GRM1: variants seen among roughly 807,000 people sequenced by gnomAD.
The protein encoded by GRM1 is glutamate metabotropic receptor 1, also known as metabotropic glutamate receptor 1.
In GRM1, 33 loss-of-function variants were observed where a neutral mutation model predicts 90.9. The ratio of observed to expected loss-of-function variants is 0.36; its 90% CI spans 0.28 to 0.49. The LOEUF is 0.49. GRM1 is among the 20% of genes least tolerant of loss of function. The pLI is 0.99. For synonymous variants in GRM1, 700 were observed against 613.2 expected (o/e 1.14, Z -2.09); for missense variants, 1,190 against 1,534.3 (o/e 0.78, Z 3.75).
At chr6:146,149,295 A>C (rs1777228847) in intron 1 of GRM1, among the ~76,000 whole-genome samples, 1 of 152,208 alleles carries the variant, frequency 6.6e-6, no homozygotes, top group Admixed American at 6.5e-5. Flanking sequence ...AAAGTCATGG[A>C]CACAAGGTGA....
intron 1 of GRM1, among the ~76,000 whole-genome samples, chr6:146,083,916 T>C (rs546264606): frequency 5.5e-4 from 84 of 152,346 alleles, no homozygotes; most frequent in African/African-American, 1.9e-3. Flanking sequence ...TCAGAACTTG[T>C]TATTGGTCTA....
intron 1 of GRM1, among the ~76,000 whole-genome samples, chr6:146,106,319 T>C (rs1057484495): frequency 6.6e-6 from 1 of 152,186 alleles, no homozygotes; most frequent in Non-Finnish European, 1.5e-5. Flanking sequence ...TGAAAACTAT[T>C]GTGTTGCTTC....
At chr6:146,324,745 G>A (rs1784342467) in intron 3 of GRM1, among the ~76,000 whole-genome samples, 1 of 152,080 alleles carries the variant, frequency 6.6e-6, no homozygotes, top group South Asian at 2.1e-4. Context: ...CACCCCCCGT[G>A]GGCTGCACCC....
chr6:146,425,572 T>C (rs1466135528), intron 7 of GRM1, among the ~76,000 whole-genome samples: 1 of 152,194 alleles, frequency 6.6e-6, no homozygotes, highest in Non-Finnish European at 1.5e-5. Context: ...TGTTGACTCA[T>C]AGAGAACATT....
At chr6:146,370,209 T>A (rs1775847342) in intron 5 of GRM1, among the ~76,000 whole-genome samples, 1 of 152,102 alleles carries the variant, frequency 6.6e-6, no homozygotes, top group Admixed American at 6.6e-5. Flanking sequence ...TGCATATAAC[T>A]GAAGGAAAGG....
intron 1 of GRM1, among the ~76,000 whole-genome samples, chr6:146,048,590 G>C (rs913259091): frequency 1.5e-4 from 23 of 151,998 alleles, no homozygotes; most frequent in African/African-American, 5.5e-4. Flanking sequence ...CATAATATGA[G>C]CTTATTTGAA....
chr6:146,141,280 T>G (rs1007063825), intron 1 of GRM1, among the ~76,000 whole-genome samples: 1 of 144,008 alleles, frequency 6.9e-6, no homozygotes, highest in Admixed American at 6.9e-5. Context: ...CTGTTCTTAG[T>G]TTTTTTTTTT....
intron 1 of GRM1, among the ~76,000 whole-genome samples, chr6:146,138,204 G>T: frequency 6.6e-6 from 1 of 151,994 alleles, no homozygotes; most frequent in East Asian, 1.9e-4. Flanking sequence ...TTAAATAACA[G>T]TGGTGCAAGT....
At chr6:146,046,668 T>G (rs1171531044) in intron 1 of GRM1, among the ~76,000 whole-genome samples, 1 of 152,022 alleles carries the variant, frequency 6.6e-6, no homozygotes, top group African/African-American at 2.4e-5. Flanking sequence ...ATATTAAAAA[T>G]GAATCCAGGT....
chr6:146,363,207 A>C lies in GRM1; in HGVS notation c.1602+5513A>C, dbSNP rs1404324500. Among the ~76,000 whole-genome samples the C allele has an allele frequency of 3.3e-5, 5 of 152,290 alleles. No homozygotes were observed. In the East Asian group the frequency reaches 5.8e-4, roughly 18 times the overall value. ...CTTTCACCATAGGCCATTGATTAAA[A>C]TGTAGCCAAGTTATGTTCGGTCATG... On this transcript the variant is annotated intron_variant, in intron 5 of 7. Coordinates refer to ENST00000282753, the MANE Select transcript of GRM1 (RefSeq NM_001278064.2).
chr6:146,173,823 C>T lies in GRM1; in HGVS notation c.950+14226C>T, dbSNP rs140553784. On this transcript the variant is annotated intron_variant, in intron 2 of 7. Coordinates refer to ENST00000282753, the MANE Select transcript of GRM1 (RefSeq NM_001278064.2). ...CTGGGATTACAGGCACCCGCCACCA[C>T]GCCTGGCTAATTTTTTGTATCTTTA... Among the ~76,000 whole-genome samples, 946 of 152,076 alleles carry T rather than the reference C, an allele frequency of 6.2e-3. 5 individuals are homozygous for T. Among genetic ancestry groups the T allele is most frequent in the Non-Finnish European group, 9.2e-3 (627 of 67,972 alleles).
chr6:146,427,078 A>G (rs1778237546), intron 7 of GRM1, among the ~76,000 whole-genome samples: 1 of 152,102 alleles, frequency 6.6e-6, no homozygotes, highest in African/African-American at 2.4e-5. Context: ...GCTTGAATTT[A>G]TGGAAGAGTT....
At chr6:146,270,912 T>TCTTCCTTCCTTC (rs35931210) in intron 2 of GRM1, among the ~76,000 whole-genome samples, 22 of 86,858 alleles carry the variant, frequency 2.5e-4, no homozygotes, top group African/African-American at 8.5e-4. Context: ...TTTCTTTCTT[T>TCTTCCTTCCTTC]CTTCCTTCCT....
intron 1 of GRM1, among the ~76,000 whole-genome samples, chr6:146,117,381 A>C (rs1450040120): frequency 6.6e-6 from 1 of 151,878 alleles, no homozygotes; most frequent in Admixed American, 6.6e-5. Flanking sequence ...CATCCAGTGG[A>C]TACATCTAAC....
intron 2 of GRM1, among the ~76,000 whole-genome samples, chr6:146,173,870 C>A (rs1194899638): frequency 6.6e-6 from 1 of 151,834 alleles, no homozygotes; most frequent in African/African-American, 2.4e-5. Flanking sequence ...GTTGGCCAAA[C>A]TGGTCTCAAA....
chr6:146,089,137 G>A (rs1019230396), intron 1 of GRM1, among the ~76,000 whole-genome samples: 5 of 152,090 alleles, frequency 3.3e-5, no homozygotes, highest in African/African-American at 1.2e-4. Flanking sequence ...CTCACTCTGA[G>A]ACTCTCCTTG....
chr6:146,203,181 G>A (rs1267846795), intron 2 of GRM1, among the ~76,000 whole-genome samples: 1 of 149,666 alleles, frequency 6.7e-6, no homozygotes, highest in Non-Finnish European at 1.5e-5. Flanking sequence ...GGGACAGAGA[G>A]ACTCCGTCTC....
At chr6:146,250,072 C>T (rs1318513789) in intron 2 of GRM1, among the ~76,000 whole-genome samples, 3 of 152,162 alleles carry the variant, frequency 2.0e-5, no homozygotes, top group Non-Finnish European at 4.4e-5. Context: ...AATGCCTGTA[C>T]TCCCATTGTA....
At chr6:146,087,889 G>A (rs1006844316) in intron 1 of GRM1, among the ~76,000 whole-genome samples, 1 of 152,116 alleles carries the variant, frequency 6.6e-6, no homozygotes, top group African/African-American at 2.4e-5. Context: ...TACATGTAAA[G>A]TTGTTATGGA....
Sources: allele counts gnomAD v4.1 joint callset (sites outside exome capture counted in the v4.1 genomes callset), GRCh38; gene constraint gnomAD v4.1.1; transcripts MANE v1.5; gene names NCBI Gene and HGNC (gene_info 2026-07-23, HGNC 2026-07-21).